TMEM200A: variants seen among roughly 807,000 people sequenced by gnomAD.
TMEM200A encodes two transmembrane C.
A neutral mutation model predicts 24.3 loss-of-function variants in TMEM200A; 12 were observed. That is an observed-to-expected ratio of 0.49 (90% confidence interval 0.32 to 0.80). The LOEUF (loss-of-function observed/expected upper bound fraction) is 0.80. Among genes scored for constraint, TMEM200A ranks in the 30% least tolerant of loss-of-function variants. The pLI is 0.04. For missense variants in TMEM200A, 545 were observed against 614.4 expected (o/e 0.89, Z 1.19); for synonymous variants, 224 against 224.4 (o/e 1.00, Z 0.02).
At chr6:130,374,430 TC>T (rs991269865) in intron 1 of TMEM200A, among the ~76,000 whole-genome samples, 4 of 150,600 alleles carry the variant, frequency 2.7e-5, no homozygotes, top group Non-Finnish European at 5.9e-5. Flanking sequence ...TTTTTTTTTT[TC>T]AGACGGAGTC....
intron 2 of TMEM200A, among the ~76,000 whole-genome samples, chr6:130,404,237 T>C (rs908753597): frequency 6.6e-6 from 1 of 152,158 alleles, no homozygotes; most frequent in Non-Finnish European, 1.5e-5. Flanking sequence ...CCTTTATGTC[T>C]CTGAAGAATT....
chr6:130,384,253 A>G (rs1171072333), intron 1 of TMEM200A, among the ~76,000 whole-genome samples: 3 of 152,214 alleles, frequency 2.0e-5, no homozygotes, highest in African/African-American at 4.8e-5. Context: ...AGCATTTATC[A>G]TGTTACTGAA....
upstream of TMEM200A, chr6:130,365,951 G>T (rs866594097): frequency 2.3e-5 from 22 of 975,308 alleles, no homozygotes; most frequent in Admixed American, 1.3e-4. Flanking sequence ...CTGGAAGTCC[G>T]CCCCGGCCCC....
chr6:130,427,090 G>C (rs1264771468), intron 2 of TMEM200A, among the ~76,000 whole-genome samples: 1 of 152,270 alleles, frequency 6.6e-6, no homozygotes, highest in Admixed American at 6.5e-5. Flanking sequence ...AAATTAGCAA[G>C]CGCACCTAAT....
chr6:130,416,376 A>G (rs1779453560), intron 2 of TMEM200A, among the ~76,000 whole-genome samples: 1 of 152,072 alleles, frequency 6.6e-6, no homozygotes, highest in African/African-American at 2.4e-5. Context: ...GTCAATTAAC[A>G]GCAAGTCTCT....
chr6:130,371,233 G>A (rs1452571589), intron 1 of TMEM200A, among the ~76,000 whole-genome samples: 2 of 152,034 alleles, frequency 1.3e-5, no homozygotes, highest in Non-Finnish European at 2.9e-5. Flanking sequence ...TAGACAGGAG[G>A]CCTGTGGTCA....
chr6:130,405,714 G>C (rs931208237), intron 2 of TMEM200A, among the ~76,000 whole-genome samples: 7 of 152,194 alleles, frequency 4.6e-5, no homozygotes, highest in African/African-American at 9.6e-5. Flanking sequence ...TGTGCTTTCA[G>C]CACTGCTCAG....
intron 2 of TMEM200A, among the ~76,000 whole-genome samples, chr6:130,436,205 A>G (rs1780004232): frequency 6.6e-6 from 1 of 152,216 alleles, no homozygotes; most frequent in South Asian, 2.1e-4. Context: ...TCTTAGCCTC[A>G]GTAACCTGAA....
intron 2 of TMEM200A, among the ~76,000 whole-genome samples, chr6:130,387,378 T>C (rs1383580285): frequency 6.6e-6 from 1 of 152,202 alleles, no homozygotes; most frequent in African/African-American, 2.4e-5. Flanking sequence ...ATTCAAGTGA[T>C]TCTCCCACCT....
rs1778135374 is a variant in TMEM200A at position 130,366,106 on chromosome 6, C to T, written c.-499C>T. On this transcript the variant is annotated 5_prime_UTR_variant, in exon 1 of 3. Transcript: ENST00000296978. This position sits in a 1 kb window ranked among gnomAD's most constrained non-coding sequence, Gnocchi z 4.4. ...GGTGGCGGCGCCGCCTGAGCGGCGA[C>T]TCCCTCTCCCCTGCCCGGCTTGCTG... is the stretch of plus-strand genomic sequence containing the variant. 1.5e-5 allele frequency: 15 copies of T among 985,712 alleles called. No individual in the cohort carries two copies. The highest frequency in any genetic ancestry group is 1.8e-5 in the Non-Finnish European group (15 of 830,176). 61.1% of individuals were successfully genotyped at this position (985,712 alleles called of 1,614,324 possible).
intron 2 of TMEM200A, among the ~76,000 whole-genome samples, chr6:130,426,469 C>CT (rs201731226): frequency 2.7e-5 from 4 of 150,742 alleles, no homozygotes; most frequent in Non-Finnish European, 4.4e-5. Flanking sequence ...AGCCCCCCCC[C>CT]CCTCAGTTTC....
Position 130,441,931 on chromosome 6 carries a change from A to G in TMEM200A, c.*33A>G. On this transcript the variant is annotated 3_prime_UTR_variant, in exon 3 of 3. Coordinates refer to ENST00000296978, the MANE Select transcript of TMEM200A (RefSeq NM_001258277.2). Reference sequence around the variant, plus strand: ...AGAATATATCATTTTACAAGGGTATATATTTTAAAACGATTTTCACTGGTG... The same window carrying G: ...AGAATATATCATTTTACAAGGGTATGTATTTTAAAACGATTTTCACTGGTG... 1.3e-6 allele frequency: 2 copies of G among 1,536,550 alleles called. No individual in the cohort carries two copies. The highest frequency in any genetic ancestry group is 1.7e-6 in the Non-Finnish European group (2 of 1,144,504).
At chr6:130,411,976 T>C (rs1239332654) in intron 2 of TMEM200A, among the ~76,000 whole-genome samples, 5 of 152,194 alleles carry the variant, frequency 3.3e-5, no homozygotes, top group African/African-American at 1.2e-4. Flanking sequence ...TCTTGTAGTT[T>C]AGTAGGTTAA....
In TMEM200A at chr6:130,366,209, G is replaced by A; in HGVS notation, c.-396G>A. The A allele has an allele frequency of 1.0e-6, 1 of 985,164 alleles. No individual in the cohort carries two copies. Among genetic ancestry groups the A allele is most frequent in the Non-Finnish European group, 1.2e-6 (1 of 829,780 alleles). 61.0% of individuals were successfully genotyped at this position (985,164 alleles called of 1,614,324 possible). ...GCGGCCCTCTGTGAGCACCGGCAGC[G>A]GCGCATCCCCTGCCCCGAGGCCTCC... On this transcript the variant is annotated 5_prime_UTR_variant, in exon 1 of 3. Coordinates refer to ENST00000296978, the MANE Select transcript of TMEM200A (RefSeq NM_001258277.2). The surrounding 1 kb of genome is among the most constrained non-coding windows in gnomAD (Gnocchi z 4.4).
chr6:130,434,943 A>G lies in TMEM200A; in HGVS notation c.-16-5464A>G, dbSNP rs77958038. 7.0e-3 allele frequency among the ~76,000 whole-genome samples: 1,062 copies of G among 152,236 alleles called. 18 individuals carry two copies. Among genetic ancestry groups the G allele is most frequent in the African/African-American group, 0.024 (997 of 41,538 alleles). The stretch of plus-strand genomic sequence containing the variant: ...ATGGGAAAGGCCTGGAGATAGCCCA[A>G]CAGTATCCTAGTTTGCAAAGTAAAA... On this transcript the variant is annotated intron_variant, in intron 2 of 2. Transcript: ENST00000296978.
At position 130,377,408 on chromosome 6, in the gene TMEM200A, T is replaced by C. The variant is rs939894382; in HGVS notation, c.-80-7765T>C. On this transcript the variant is annotated intron_variant, in intron 1 of 2. Transcript: ENST00000296978. ...TTTCTAGAGATACCATCCTAGGGAT[T>C]CCCTGTTCTCCTGCCCCAACTGCCA... Among the ~76,000 whole-genome samples, 5 of 152,304 alleles carry C rather than the reference T, an allele frequency of 3.3e-5. No individual in the cohort carries two copies. The East Asian group carries it at 7.7e-4, about 23-fold the overall frequency.
At chr6:130,367,378 AT>A (rs1347916605) in intron 1 of TMEM200A, among the ~76,000 whole-genome samples, 2 of 152,226 alleles carry the variant, frequency 1.3e-5, no homozygotes, top group African/African-American at 4.8e-5. Context: ...TCAAGAATCG[AT>A]GATTATTCTT....
chr6:130,412,356 G>A (rs1019436120), intron 2 of TMEM200A, among the ~76,000 whole-genome samples: 4 of 152,020 alleles, frequency 2.6e-5, no homozygotes, highest in African/African-American at 9.7e-5. Flanking sequence ...AGGGACTCCT[G>A]CCTCTCACTG....
At chr6:130,372,404 G>A (rs1233524387) in intron 1 of TMEM200A, among the ~76,000 whole-genome samples, 3 of 152,080 alleles carry the variant, frequency 2.0e-5, no homozygotes, top group Non-Finnish European at 4.4e-5. Flanking sequence ...ATTATGCAGG[G>A]TAGATACGTC....
Sources: gnomAD v4.1 joint callset for allele counts (sites outside exome capture counted in the v4.1 genomes callset) on GRCh38, gnomAD v4.1.1 for gene constraint, Gnocchi (gnomAD v3.1) non-coding constraint, MANE v1.5 for transcripts, NCBI Gene and HGNC (gene_info 2026-07-23, HGNC 2026-07-21) for gene names.